The following AGMO variants were observed in gnomAD, a reference collection of about 807,000 sequenced individuals.
AGMO encodes glyceryl-ether monooxygenase.
In AGMO, 75 loss-of-function variants were observed where a neutral mutation model predicts 60.2. That is an observed-to-expected ratio of 1.25 (90% CI 1.03 to 1.51). The LOEUF (loss-of-function observed/expected upper bound fraction) is 1.51, where lower values mean the gene tolerates loss of function less well. Among genes scored for constraint, AGMO ranks in the 40% most tolerant of loss-of-function variants. The pLI is 0.00. For missense variants in AGMO, 763 were observed against 525.5 expected, an observed-to-expected ratio of 1.45 and a Z score of -4.42; for synonymous variants, 261 against 177.1, an observed-to-expected ratio of 1.47 and a Z score of -3.76.
At chr7:15,372,682 T>C (rs1415562296) in intron 10 of AGMO, among the ~76,000 whole-genome samples, 1 of 152,144 alleles carries the variant, frequency 6.6e-6, no homozygotes, top group African/African-American at 2.4e-5. Flanking sequence ...ATATTTAGTC[T>C]CCTGTGTTTT....
intron 12 of AGMO, among the ~76,000 whole-genome samples, chr7:15,302,939 A>G (rs958459257): frequency 1.3e-5 from 2 of 152,204 alleles, no homozygotes; most frequent in African/African-American, 2.4e-5. Context: ...AAGTATCTAT[A>G]TATTTGTAAT....
chr7:15,305,240 TAAAAAA>T (rs11351669), intron 12 of AGMO, among the ~76,000 whole-genome samples: 1 of 117,970 alleles, frequency 8.5e-6, no homozygotes, highest in African/African-American at 2.9e-5. Context: ...GCAATCTGGT[TAAAAAA>T]AAAAAAAAAA....
chr7:15,133,903 A>C, the AGMO span, among the ~76,000 whole-genome samples: 3 of 152,276 alleles, frequency 2.0e-5, no homozygotes, highest in Non-Finnish European at 2.9e-5. Flanking sequence ...CTTTGCCTCC[A>C]AACTGGCTTC....
chr7:15,322,567 TATATATAA>T (rs1781170017), intron 12 of AGMO, among the ~76,000 whole-genome samples: 1 of 40,068 alleles, frequency 2.5e-5, no homozygotes, highest in African/African-American at 1.3e-4. Flanking sequence ...AATATATAAA[TATATATAA>T]ATATATATAA....
At chr7:15,387,665 G>A in intron 8 of AGMO, 125 bp from the exon 9 acceptor site, 1 of 790,358 alleles carries the variant, frequency 1.3e-6, no homozygotes, top group South Asian at 2.0e-5. Flanking sequence ...TGCCTGATTA[G>A]AGCAACAGAA....
intron 3 of AGMO, among the ~76,000 whole-genome samples, chr7:15,529,803 T>TTTCCATATAG (rs1784257228): frequency 3.7e-5 from 2 of 54,342 alleles, no homozygotes; most frequent in East Asian, 7.2e-4. Context: ...TCTCTATATA[T>TTTCCATATAG]ATATTCTATA....
chr7:15,218,155 A>T (rs1781802714), intron 12 of AGMO, among the ~76,000 whole-genome samples: 1 of 152,156 alleles, frequency 6.6e-6, no homozygotes, highest in African/African-American at 2.4e-5. Context: ...TTCATATTCC[A>T]ATGTGGAGAA....
At chr7:15,370,413 A>G (rs527311743) in intron 10 of AGMO, among the ~76,000 whole-genome samples, 10 of 152,350 alleles carry the variant, frequency 6.6e-5, no homozygotes, top group African/African-American at 1.9e-4. Flanking sequence ...ATATATACCC[A>G]GTAATGGGAC....
chr7:15,256,597 C>T (rs1338634825), intron 12 of AGMO, among the ~76,000 whole-genome samples: 1 of 152,096 alleles, frequency 6.6e-6, no homozygotes, highest in African/African-American at 2.4e-5. Context: ...CTCCTGACCT[C>T]GTGTTCCACC....
At chr7:15,277,532 A>ATT (rs150666983) in intron 12 of AGMO, among the ~76,000 whole-genome samples, 76 of 148,894 alleles carry the variant, frequency 5.1e-4, no homozygotes, top group Middle Eastern at 6.9e-3. Context: ...TTTGGATTGG[A>ATT]TTTTTTTTTT....
intron 3 of AGMO, among the ~76,000 whole-genome samples, chr7:15,531,561 C>CTG (rs1305096499): frequency 1.4e-5 from 1 of 72,518 alleles, no homozygotes; most frequent in Non-Finnish European, 2.7e-5. Flanking sequence ...TATATATATT[C>CTG]TCTATATATT....
intron 6 of AGMO, among the ~76,000 whole-genome samples, chr7:15,393,453 T>G (rs1040867832): frequency 6.6e-6 from 1 of 152,242 alleles, no homozygotes; most frequent in African/African-American, 2.4e-5. Context: ...ACATGTATAA[T>G]ATAAGATTTA....
At chr7:15,297,110 CAACA>C (rs899031373) in intron 12 of AGMO, among the ~76,000 whole-genome samples, 7 of 152,032 alleles carry the variant, frequency 4.6e-5, no homozygotes, top group Non-Finnish European at 7.4e-5. Flanking sequence ...AATATTTGCT[CAACA>C]AATACCTGCT....
rs150818680 is a variant in AGMO, at chr7:15,475,988, T to C, written c.410-44880A>G. Among the ~76,000 whole-genome samples the C allele has an allele frequency of 7.9e-3, 1,198 of 152,206 alleles. 41 individuals are homozygous for C. Among genetic ancestry groups the C allele is most frequent in the Admixed American group, 0.069 (1,050 of 15,248 alleles). On this transcript the variant is annotated intron_variant, in intron 3 of 12. Coordinates refer to ENST00000342526, the MANE Select transcript of AGMO (RefSeq NM_001004320.2). ...GACGTAATAGAGCATCAGCAATGCA[T>C]TGGAGTTTAATGACCATGGTAAGTG...
At chr7:15,284,685 A>T (rs1014008402) in intron 12 of AGMO, among the ~76,000 whole-genome samples, 9 of 152,198 alleles carry the variant, frequency 5.9e-5, no homozygotes, top group African/African-American at 2.2e-4. Context: ...CTAGTCCAAA[A>T]GATTCAGAAG....
intron 4 of AGMO, among the ~76,000 whole-genome samples, chr7:15,422,470 G>C (rs1562499075): frequency 6.6e-6 from 1 of 152,078 alleles, no homozygotes; most frequent in African/African-American, 2.4e-5. Context: ...TATAAAACTA[G>C]AGGTAAGAAT....
intron 12 of AGMO, among the ~76,000 whole-genome samples, chr7:15,337,418 CA>C (rs1781696604): frequency 6.6e-6 from 1 of 152,030 alleles, no homozygotes; most frequent in Non-Finnish European, 1.5e-5. Context: ...GGCCATAAAA[CA>C]GAGGAGGGTC....
chr7:15,392,382 T>C (rs961736957), intron 6 of AGMO, among the ~76,000 whole-genome samples: 1 of 152,184 alleles, frequency 6.6e-6, no homozygotes, highest in African/African-American at 2.4e-5. Flanking sequence ...TATTTCCTTG[T>C]ATATAGAAGG....
At position 15,248,224 on chromosome 7, in the gene AGMO, A is replaced by G. The variant is rs181947363; in HGVS notation, c.1264-46865T>C. On this transcript the variant is annotated intron_variant, in intron 12 of 12. Transcript: ENST00000342526. ...TATATATATATATATATATATATATATCTTCATCTTCAATTCTAGTCTAAA... is the reference window on the plus strand; with the variant it reads ...TATATATATATATATATATATATATGTCTTCATCTTCAATTCTAGTCTAAA... Among the ~76,000 whole-genome samples, 295 of 98,752 alleles carry G rather than the reference A, an allele frequency of 3.0e-3. 10 individuals carry two copies. The highest frequency in any genetic ancestry group is 0.011 in the African/African-American group (279 of 24,716). 64.8% of individuals were successfully genotyped at this position (98,752 alleles called of 152,430 possible). A position where few individuals can be genotyped will look rare whatever the true frequency, so the allele number is the denominator to read the frequency against.
Sources: gnomAD v4.1 joint callset for allele counts (sites outside exome capture counted in the v4.1 genomes callset) on GRCh38, gnomAD v4.1.1 for gene constraint, MANE v1.5 for transcripts, NCBI Gene and HGNC (gene_info 2026-07-23, HGNC 2026-07-21) for gene names.